Variants in TMEM255B observed in about 807,000 individuals in gnomAD.
The protein encoded by TMEM255B is family with sequence similarity 70, member B.
Under a neutral mutation model 34.5 loss-of-function variants are expected in TMEM255B, and 35 were observed. That is an observed-to-expected ratio of 1.01 (90% CI 0.77 to 1.34). The LOEUF (loss-of-function observed/expected upper bound fraction) is 1.34. TMEM255B is among the 40% of genes most tolerant of loss of function. The pLI, the probability that TMEM255B is intolerant of heterozygous loss-of-function variation, is 0.00. For synonymous variants in TMEM255B, 206 were observed against 201.2 expected, an observed-to-expected ratio of 1.02 and a Z score of -0.20; for missense variants, 432 against 433.2, an observed-to-expected ratio of 1.00 and a Z score of 0.02.
intron 3 of TMEM255B, among the ~76,000 whole-genome samples, chr13:113,778,733 A>G (rs1010370910): frequency 1.3e-4 from 19 of 151,766 alleles, no homozygotes; most frequent in Admixed American, 7.2e-4. Flanking sequence ...GTACTGTGGC[A>G]TCTTCTGGGT....
chr13:113,786,321 TCATCACCATCCC>T (rs1210269587), intron 3 of TMEM255B, among the ~76,000 whole-genome samples: 1 of 151,496 alleles, frequency 6.6e-6, no homozygotes, highest in East Asian at 1.9e-4. Flanking sequence ...TTCCCCACTG[TCATCACCATCCC>T]CATCACCATC....
rs1412651991 is a variant in TMEM255B at position 113,770,207 on chromosome 13, T to C, written c.252+1047T>C. Among the ~76,000 whole-genome samples the C allele has an allele frequency of 2.0e-5, 3 of 152,158 alleles. No individual in the cohort carries two copies. Among genetic ancestry groups the C allele is most frequent in the Non-Finnish European group, 2.9e-5 (2 of 68,034 alleles). On this transcript the variant is annotated intron_variant, in intron 3 of 8. Transcript: ENST00000375353. This position sits in a 1 kb window ranked among gnomAD's most constrained non-coding sequence, Gnocchi z 4.6. Reference sequence around the variant, plus strand: ...AGGTAAGGAGGAGCAAGTCCTGTCTTACGTGGATGGCAGCAGGCAAAGACA... The same window carrying C: ...AGGTAAGGAGGAGCAAGTCCTGTCTCACGTGGATGGCAGCAGGCAAAGACA...
At chr13:113,794,324 T>G (rs1241640319) in intron 3 of TMEM255B, among the ~76,000 whole-genome samples, 1 of 152,068 alleles carries the variant, frequency 6.6e-6, no homozygotes, top group Non-Finnish European at 1.5e-5. Flanking sequence ...AGACTCAGGC[T>G]TCCCCTGTCC....
Position 113,766,177 on chromosome 13 carries a change from G to A in TMEM255B, c.109G>A (p.Val37Ile), listed in dbSNP as rs149974408. ...TGTGGGGTCTCTGCTGCTGGTGTCC[G>A]TCCTCATAGTCACCGTCGGGCTGGC... is the stretch of plus-strand genomic sequence containing the variant. ...WFVGSLLLVS[V>I]LIVTVGLAAT... Residue 37 changes from valine (V) to isoleucine (I), a missense_variant, in exon 2 of 9, where the codon GTC (valine) becomes ATC (isoleucine). Coordinates refer to ENST00000375353, the MANE Select transcript of TMEM255B (RefSeq NM_182614.4). The A allele has an allele frequency of 4.6e-5, 74 of 1,614,080 alleles. No individual in the cohort carries two copies. The highest frequency in any genetic ancestry group is 4.2e-4 in the East Asian group (19 of 44,882).
At position 113,795,158 on chromosome 13, in the gene TMEM255B, C is replaced by T. The variant is rs765257611; in HGVS notation, c.263C>T (p.Ala88Val). 23 of 1,613,776 alleles carry T rather than the reference C, an allele frequency of 1.4e-5. No homozygotes were observed. Among genetic ancestry groups the T allele is most frequent in the Middle Eastern group, 3.3e-4 (2 of 6,048 alleles). ...VENRRQMLVA[A>V]IVFISFGVVA... ...CTCCTTCTGTTGCAGCTGGTGGCAG[C>T]GATCGTGTTTATCAGTTTTGGCGTG... Residue 88 changes from alanine to valine, a missense_variant, in exon 4 of 9, where the codon GCG becomes GTG. Physicochemically the swap from Ala to Val is moderately conservative, Grantham distance 64. Transcript: ENST00000375353.
chr13:113,792,443 C>T (rs568900193), intron 3 of TMEM255B, among the ~76,000 whole-genome samples: 6 of 152,376 alleles, frequency 3.9e-5, no homozygotes, highest in East Asian at 1.9e-4. Context: ...GTCCCACCGA[C>T]GTGCAGCCCC....
chr13:113,788,694 G>A (rs927595278), intron 3 of TMEM255B, among the ~76,000 whole-genome samples: 7 of 152,074 alleles, frequency 4.6e-5, no homozygotes, highest in Non-Finnish European at 8.8e-5. Context: ...CGGTGTCACC[G>A]TGTGGCCGCC....
intron 3 of TMEM255B, among the ~76,000 whole-genome samples, chr13:113,771,256 T>C (rs2050473069): frequency 6.6e-6 from 1 of 152,210 alleles, no homozygotes; most frequent in African/African-American, 2.4e-5. Context: ...GTGTTCTCTG[T>C]AGATTCCTAC....
At chr13:113,775,087 TACACCACAC>T (rs1278851704) in intron 3 of TMEM255B, among the ~76,000 whole-genome samples, 3 of 98,846 alleles carry the variant, frequency 3.0e-5, no homozygotes, top group African/African-American at 1.5e-4. Flanking sequence ...ACACACCACA[TACACCACAC>T]ACAGCACACA....
chr13:113,774,875 G>A lies in TMEM255B; in HGVS notation c.252+5715G>A, dbSNP rs533412715. Among the ~76,000 whole-genome samples the A allele has an allele frequency of 2.3e-4, 25 of 108,228 alleles. No individual in the cohort carries two copies. The South Asian group carries it at 3.3e-3, about 14-fold the overall frequency. 71.0% of individuals were successfully genotyped at this position (108,228 alleles called of 152,430 possible). On this transcript the variant is annotated intron_variant, in intron 3 of 8. Coordinates refer to ENST00000375353, the MANE Select transcript of TMEM255B (RefSeq NM_182614.4). ...ATGCACACCACATACACCACACAAC[G>A]CACACCACACACAAGACACAATATA... is the stretch of plus-strand genomic sequence containing the variant.
At chr13:113,780,452 T>G (rs1319332339) in intron 3 of TMEM255B, among the ~76,000 whole-genome samples, 1 of 152,222 alleles carries the variant, frequency 6.6e-6, no homozygotes, top group Non-Finnish European at 1.5e-5. Context: ...AGCTCCAAAT[T>G]TTGCTCATGG....
At chr13:113,802,478 A>T (rs997043298) in intron 7 of TMEM255B, among the ~76,000 whole-genome samples, 8 of 152,094 alleles carry the variant, frequency 5.3e-5, no homozygotes, top group African/African-American at 1.7e-4. Flanking sequence ...AGGGAGCCCC[A>T]ACCCCCAGAG....
At position 113,814,342 on chromosome 13, in the gene TMEM255B, G is replaced by A. The variant is rs1566344558; in HGVS notation, c.*2439G>A. On this transcript the variant is annotated 3_prime_UTR_variant, in exon 9 of 9. Coordinates refer to ENST00000375353, the MANE Select transcript of TMEM255B (RefSeq NM_182614.4). ...CAGGGTGCGGTGTGGGGGCATCAGA[G>A]TGCTTCCCCGAGGCTGCACTCACCA... is the stretch of plus-strand genomic sequence containing the variant. The A allele has an allele frequency of 6.6e-6, 1 of 152,260 alleles. No individual in the cohort carries two copies. Among genetic ancestry groups the A allele is most frequent in the East Asian group, 1.9e-4 (1 of 5,192 alleles). The allele number at this position is 152,260 out of a possible 1,614,324, so 9.4% of individuals were successfully genotyped here.
intron 3 of TMEM255B, among the ~76,000 whole-genome samples, chr13:113,791,167 T>A (rs1343447378): frequency 6.6e-6 from 1 of 152,120 alleles, no homozygotes; most frequent in East Asian, 1.9e-4. Context: ...CAGGGCTGGG[T>A]TGCAGCAGGT....
At position 113,806,122 on chromosome 13, in the gene TMEM255B, A is replaced by G. The variant is rs922885890; in HGVS notation, c.813+1094A>G. On this transcript the variant is annotated intron_variant, in intron 8 of 8. Coordinates refer to ENST00000375353, the MANE Select transcript of TMEM255B (RefSeq NM_182614.4). The surrounding 1 kb of genome is among the most constrained non-coding windows in gnomAD (Gnocchi z 4.2). ...AGGAAAAGATCTTCCTTAGAGGGACATCCGGGGGAGGCCTGTGCACACTCT... is the reference window on the plus strand; with the variant it reads ...AGGAAAAGATCTTCCTTAGAGGGACGTCCGGGGGAGGCCTGTGCACACTCT... 3.3e-5 allele frequency among the ~76,000 whole-genome samples: 5 copies of G among 152,204 alleles called. No individual in the cohort carries two copies. Among genetic ancestry groups the G allele is most frequent in the African/African-American group, 1.2e-4 (5 of 41,454 alleles).
intron 3 of TMEM255B, among the ~76,000 whole-genome samples, chr13:113,779,062 G>A (rs1182844253): frequency 1.3e-5 from 2 of 152,160 alleles, no homozygotes; most frequent in Non-Finnish European, 2.9e-5. Context: ...GGTTCAGAGT[G>A]TTTTTGGGTG....
rs2050439330 is a variant in TMEM255B, at chr13:113,769,223, C to T, written c.252+63C>T. ...CTCATCAGGGGATGGTACAGCTGCA[C>T]TGGGGCTCTGAGAAGAGTCAGCCCT... is the stretch of plus-strand genomic sequence containing the variant. On this transcript the variant is annotated intron_variant, in intron 3 of 8. Coordinates refer to ENST00000375353, the MANE Select transcript of TMEM255B (RefSeq NM_182614.4). This position sits in a 1 kb window ranked among gnomAD's most constrained non-coding sequence, Gnocchi z 4.2. The T allele has an allele frequency of 6.3e-7, 1 of 1,576,558 alleles. No homozygotes were observed. The highest frequency in any genetic ancestry group is 8.7e-7 in the Non-Finnish European group (1 of 1,146,446).
At position 113,814,327 on chromosome 13, in the gene TMEM255B, T is replaced by C. The variant is rs1394309100; in HGVS notation, c.*2424T>C. On this transcript the variant is annotated 3_prime_UTR_variant, in exon 9 of 9. Coordinates refer to ENST00000375353, the MANE Select transcript of TMEM255B (RefSeq NM_182614.4). ...GTCAGCCCTCGGTCGCAGGGTGCGG[T>C]GTGGGGGCATCAGAGTGCTTCCCCG... 1 of 152,252 alleles carries C rather than the reference T, an allele frequency of 6.6e-6. No individual in the cohort carries two copies. Among genetic ancestry groups the C allele is most frequent in the Non-Finnish European group, 1.5e-5 (1 of 68,064 alleles). 9.4% of individuals were successfully genotyped at this position (152,252 alleles called of 1,614,324 possible).
chr13:113,812,131 A>T lies in TMEM255B; in HGVS notation c.*228A>T. 1 of 572,846 alleles carries T rather than the reference A, an allele frequency of 1.7e-6. No individual in the cohort carries two copies. 35.5% of individuals were successfully genotyped at this position (572,846 alleles called of 1,614,324 possible). On this transcript the variant is annotated 3_prime_UTR_variant, in exon 9 of 9. Transcript: ENST00000375353. ...ACACCTTGGCTTGGGCTCTGCTCACATCAAATGGCGCTGAAAGTTCCCACC... is the reference window on the plus strand; with the variant it reads ...ACACCTTGGCTTGGGCTCTGCTCACTTCAAATGGCGCTGAAAGTTCCCACC...
Sources: gnomAD v4.1 joint callset for allele counts (sites outside exome capture counted in the v4.1 genomes callset) on GRCh38, gnomAD v4.1.1 for gene constraint, Gnocchi (gnomAD v3.1) non-coding constraint, MANE v1.5 for transcripts, NCBI Gene and HGNC (gene_info 2026-07-23, HGNC 2026-07-21) for gene names.